PNKD: variants seen among roughly 807,000 people sequenced by gnomAD.
PNKD encodes probable thioesterase PNKD.
A neutral mutation model predicts 45.3 loss-of-function variants in PNKD; 36 were observed. That is an observed-to-expected ratio of 0.80 (90% confidence interval 0.61 to 1.05). The LOEUF is 1.05. Ranked by LOEUF, PNKD falls within the 50% of genes least tolerant of loss-of-function variation. PNKD has a pLI of 0.00. For synonymous variants in PNKD, 197 were observed against 210.1 expected (o/e 0.94, Z 0.54); for missense variants, 511 against 506.6 (o/e 1.01, Z -0.08).
rs7596269 is a variant in PNKD, at chr2:218,323,514, G to A, written c.237-16269G>A. Reference sequence around the variant, plus strand: ...GACTGGGAGGCGGGGGCTGGAGCTGGGGGTGGGCGTGGCGGTTAGGAAGGG... The same window carrying A: ...GACTGGGAGGCGGGGGCTGGAGCTGAGGGTGGGCGTGGCGGTTAGGAAGGG... On this transcript the variant is annotated intron_variant, in intron 2 of 9. Transcript: ENST00000273077. 67,593 of 1,266,906 alleles carry A rather than the reference G, an allele frequency of 0.053. 8,036 individuals carry two copies. Among genetic ancestry groups the A allele is most frequent in the African/African-American group, 0.45 (27,674 of 61,834 alleles). 78.5% of individuals were successfully genotyped at this position (1,266,906 alleles called of 1,614,324 possible).
chr2:218,272,656 G>A (rs1464657694), intron 2 of PNKD: 19 of 1,614,032 alleles, frequency 1.2e-5, no homozygotes, highest in African/African-American at 8.0e-5. Flanking sequence ...ATGAAGGCTC[G>A]GCAGAACATG....
chr2:218,306,841 AG>A (rs1405600322), intron 2 of PNKD, among the ~76,000 whole-genome samples: 1 of 152,202 alleles, frequency 6.6e-6, no homozygotes, highest in Non-Finnish European at 1.5e-5. Context: ...CCCAGGAGCT[AG>A]GTGTCGGGAT....
chr2:218,278,055 G>A (rs1691428675), intron 2 of PNKD: 6 of 1,501,366 alleles, frequency 4.0e-6, no homozygotes, highest in Non-Finnish European at 5.5e-6. Context: ...GGAAGCGCTT[G>A]GCTCCTGTGC....
chr2:218,282,965 A>G (rs1163204320), intron 2 of PNKD, among the ~76,000 whole-genome samples: 1 of 152,172 alleles, frequency 6.6e-6, no homozygotes, highest in Non-Finnish European at 1.5e-5. Flanking sequence ...GCTAGGGAAG[A>G]GAGAGTGAGT....
intron 2 of PNKD, among the ~76,000 whole-genome samples, chr2:218,316,527 T>C (rs1052655884): frequency 9.2e-5 from 14 of 152,308 alleles, no homozygotes; most frequent in Admixed American, 2.6e-4. Flanking sequence ...TGCCTTGGCC[T>C]CCCAAAGTGC....
chr2:218,339,923 C>T, intron 3 of PNKD, 25 bp downstream of exon 3: 7 of 1,542,194 alleles, frequency 4.5e-6, no homozygotes, highest in Non-Finnish European at 6.2e-6. Flanking sequence ...CCCCGGCCAG[C>T]ATCCCCCATT....
intron 2 of PNKD, among the ~76,000 whole-genome samples, chr2:218,297,535 A>G (rs1000717444): frequency 2.6e-5 from 4 of 151,900 alleles, no homozygotes; most frequent in Admixed American, 2.0e-4. Context: ...AATACAAACA[A>G]TTAGCCAAGT....
In PNKD at chr2:218,323,705, C is replaced by A. The variant is rs73088143; in HGVS notation, c.237-16078C>A. Among the ~76,000 whole-genome samples the A allele has an allele frequency of 0.15, 23,393 of 151,808 alleles. 4,300 individuals are homozygous for A. Among genetic ancestry groups the A allele is most frequent in the African/African-American group, 0.44 (18,372 of 41,334 alleles). ...GGAGGGCGTGAGAGGACATCTGGAG[C>A]AAAGTGCCACAGAATGGGCTGGAGA... On this transcript the variant is annotated intron_variant, in intron 2 of 9. Coordinates refer to ENST00000273077, the MANE Select transcript of PNKD (RefSeq NM_015488.5).
intron 2 of PNKD, among the ~76,000 whole-genome samples, chr2:218,305,690 G>A (rs140231870): frequency 6.6e-6 from 1 of 152,228 alleles, no homozygotes; most frequent in African/African-American, 2.4e-5. Context: ...AAAAGGCTAT[G>A]GCTCCTCTGG....
chr2:218,279,164 T>C, intron 2 of PNKD: 5 of 1,599,638 alleles, frequency 3.1e-6, no homozygotes. Flanking sequence ...CAGGCAGCCC[T>C]GGCTTCACCT....
chr2:218,276,032 G>C, intron 2 of PNKD: 1 of 1,612,408 alleles, frequency 6.2e-7, no homozygotes, highest in Non-Finnish European at 8.5e-7. Flanking sequence ...TTACCAGGGT[G>C]AAACAAATGG....
At chr2:218,316,481 G>A (rs1392048830) in intron 2 of PNKD, among the ~76,000 whole-genome samples, 1 of 152,062 alleles carries the variant, frequency 6.6e-6, no homozygotes, top group East Asian at 1.9e-4. Flanking sequence ...TTGTTGCCCA[G>A]GCTGGTTTCG....
At chr2:218,280,126 C>T in intron 2 of PNKD, 1 of 1,612,626 alleles carries the variant, frequency 6.2e-7, no homozygotes, top group South Asian at 1.1e-5. Flanking sequence ...ATGGCCTGGG[C>T]CTAGGGACAG....
At chr2:218,287,345 A>T (rs1315160845) in intron 2 of PNKD, 1 of 151,868 alleles carries the variant, frequency 6.6e-6, no homozygotes, top group Non-Finnish European at 1.5e-5. Flanking sequence ...ACCAGCACAC[A>T]CCCTCTCCCA....
At chr2:218,276,321 C>T (rs757077703) in intron 2 of PNKD, among the ~76,000 whole-genome samples, 25 of 152,166 alleles carry the variant, frequency 1.6e-4, no homozygotes, top group Non-Finnish European at 2.1e-4. Flanking sequence ...AGTCAAGGTA[C>T]ACAAGTGTCT....
intron 2 of PNKD, chr2:218,334,613 C>T: frequency 1.5e-6 from 1 of 683,878 alleles, no homozygotes. Flanking sequence ...TGGATCACAT[C>T]ACCGCACTCT....
chr2:218,341,878 C>A, intron 6 of PNKD, 103 bp from the exon 7 acceptor site: 1 of 976,620 alleles, frequency 1.0e-6, no homozygotes, highest in Non-Finnish European at 1.6e-6. Context: ...GTATGGAAGC[C>A]CACTCTCTTG....
In PNKD at chr2:218,275,739, C is replaced by T. The variant is rs150626009; in HGVS notation, c.236+4190C>T. The T allele has an allele frequency of 1.4e-3, 1,776 of 1,259,364 alleles. 14 individuals are homozygous for T. The highest frequency in any genetic ancestry group is 0.012 in the African/African-American group (832 of 67,024). 78.0% of individuals were successfully genotyped at this position (1,259,364 alleles called of 1,614,324 possible). A position where few individuals can be genotyped will look rare whatever the true frequency, so the allele number is the denominator to read the frequency against. On this transcript the variant is annotated intron_variant, in intron 2 of 9. Transcript: ENST00000273077. ...CACACAGTGCTTAGGGCCACATTAA[C>T]GCACAGCATAACATATGGGCTCTAT...
intron 2 of PNKD, chr2:218,282,212 A>C: frequency 1.6e-6 from 2 of 1,281,192 alleles, no homozygotes; most frequent in Non-Finnish European, 2.1e-6. Flanking sequence ...AGCAATCGTG[A>C]ATGCCCAGGC....
Sources: gnomAD v4.1 joint callset for allele counts (sites outside exome capture counted in the v4.1 genomes callset) on GRCh38, gnomAD v4.1.1 for gene constraint, MANE v1.5 for transcripts, NCBI Gene and HGNC (gene_info 2026-07-23, HGNC 2026-07-21) for gene names.